Variants in TENM2 observed in about 807,000 individuals in gnomAD.
TENM2 encodes teneurin-2.
A neutral mutation model predicts 245.2 loss-of-function variants in TENM2; 52 were observed. The ratio of observed to expected loss-of-function variants is 0.21; its 90% CI spans 0.17 to 0.27. The LOEUF is 0.27. Ranked by LOEUF, TENM2 falls within the 10% of genes least tolerant of loss-of-function variation. The pLI is 1.00. For missense variants in TENM2, 3,046 were observed against 3,666.8 expected (o/e 0.83, Z 4.37); for synonymous variants, 1,363 against 1,438.9 (o/e 0.95, Z 1.19).
intron 2 of TENM2, among the ~76,000 whole-genome samples, chr5:167,654,894 G>A (rs1754739333): frequency 6.6e-6 from 1 of 152,062 alleles, no homozygotes; most frequent in South Asian, 2.1e-4. Context: ...TGCTACTTTT[G>A]CAATAGAATT....
chr5:167,935,955 A>G (rs1297186795), intron 3 of TENM2, among the ~76,000 whole-genome samples: 1 of 152,020 alleles, frequency 6.6e-6, no homozygotes, highest in Non-Finnish European at 1.5e-5. Context: ...CCGAGCTGTG[A>G]GCACCCTTAG....
intron 2 of TENM2, among the ~76,000 whole-genome samples, chr5:167,767,389 A>G (rs1463325602): frequency 6.6e-6 from 1 of 152,208 alleles, no homozygotes; most frequent in Non-Finnish European, 1.5e-5. Context: ...GTTACCAAGT[A>G]CTAGAGAAAT....
the TENM2 span, among the ~76,000 whole-genome samples, chr5:167,226,934 C>G: frequency 6.6e-6 from 1 of 151,590 alleles, no homozygotes; most frequent in Non-Finnish European, 1.5e-5. Flanking sequence ...TATATAGTCA[C>G]CATATATATG....
intron 2 of TENM2, among the ~76,000 whole-genome samples, chr5:167,546,527 C>T (rs1053711554): frequency 8.5e-5 from 13 of 152,170 alleles, no homozygotes; most frequent in Admixed American, 8.5e-4. Context: ...TAAGTCTTTG[C>T]TCACTGCTGA....
intron 9 of TENM2, among the ~76,000 whole-genome samples, chr5:168,103,189 A>G (rs1168330883): frequency 6.6e-6 from 1 of 152,058 alleles, no homozygotes; most frequent in Non-Finnish European, 1.5e-5. Context: ...GCTTTAACCA[A>G]TCCTCCCCAC....
intron 2 of TENM2, among the ~76,000 whole-genome samples, chr5:167,483,390 G>A (rs1333383867): frequency 2.0e-5 from 3 of 152,172 alleles, no homozygotes; most frequent in African/African-American, 7.2e-5. Context: ...GGACCATGCA[G>A]AAACGCTGAT....
At chr5:167,227,758 T>A in the TENM2 span, among the ~76,000 whole-genome samples, 1 of 152,342 alleles carries the variant, frequency 6.6e-6, no homozygotes, top group East Asian at 1.9e-4. Context: ...TGTATGTATT[T>A]AATGATCTCT....
chr5:167,870,739 G>A (rs992760091), intron 2 of TENM2, among the ~76,000 whole-genome samples: 3 of 150,234 alleles, frequency 2.0e-5, no homozygotes, highest in Non-Finnish European at 4.4e-5. Context: ...TGATAATGAG[G>A]TCATTGAACT....
At chr5:167,393,488 T>C (rs888926923) in intron 2 of TENM2, among the ~76,000 whole-genome samples, 1 of 152,054 alleles carries the variant, frequency 6.6e-6, no homozygotes, top group Non-Finnish European at 1.5e-5. Flanking sequence ...GAAGAGCTAG[T>C]ATAAAGATTT....
At chr5:167,861,040 A>T (rs1292199145) in intron 2 of TENM2, among the ~76,000 whole-genome samples, 1 of 7,296 alleles carries the variant, frequency 1.4e-4, no homozygotes, top group Non-Finnish European at 5.2e-4. Flanking sequence ...AATTATCAAT[A>T]AAAAAAAAAA....
intron 2 of TENM2, among the ~76,000 whole-genome samples, chr5:167,483,986 C>T (rs1864979): frequency 0.22 from 33,503 of 152,030 alleles, 3,839 homozygotes; most frequent in African/African-American, 0.29. Context: ...GTTGTATGGG[C>T]TAGTGGGAGT....
chr5:167,359,874 A>C (rs1167552347), intron 1 of TENM2, among the ~76,000 whole-genome samples: 1 of 152,198 alleles, frequency 6.6e-6, no homozygotes, highest in African/African-American at 2.4e-5. Context: ...TTGCAGGATC[A>C]TGGATAGAGC....
At chr5:167,567,744 C>A (rs1773999625) in intron 2 of TENM2, among the ~76,000 whole-genome samples, 1 of 152,066 alleles carries the variant, frequency 6.6e-6, no homozygotes, top group Admixed American at 6.6e-5. Context: ...TTTCATACAA[C>A]CCCAGGGGTA....
At position 167,998,070 on chromosome 5, in the gene TENM2, C is replaced by T. The variant is rs184393999; in HGVS notation, c.1186+4888C>T. Among the ~76,000 whole-genome samples the T allele has an allele frequency of 4.0e-3, 615 of 152,288 alleles. 1 individual carries two copies. The highest frequency in any genetic ancestry group is 9.2e-3 in the Admixed American group (141 of 15,292). The stretch of plus-strand genomic sequence containing the variant: ...AATACTTTCTATAGGATAAATTTTT[C>T]CAAGGAAAATTTTAGGAATTTTAGG... On this transcript the variant is annotated intron_variant, in intron 5 of 28. Transcript: ENST00000518659.
In TENM2 at chr5:168,126,816, G is replaced by A. The variant is rs767171463; in HGVS notation, c.2272G>A (p.Glu758Lys). ...CATCGGGGGAGCCTGCCGCTGTGAA[G>A]AGGGCTGGACAGGCGCAGCGTGTGA... Residue 758 changes from glutamate to lysine, a missense_variant, in exon 12 of 29, where the codon GAG becomes AAG. By Grantham distance (56) the Glu-to-Lys change is moderately conservative. Around this residue, in one of 2 missense-constraint regions of TENM2, gnomAD observed 2,704 missense variants for 3,331.9 expected, o/e 0.81. Transcript: ENST00000518659. The A allele has an allele frequency of 3.7e-6, 6 of 1,613,498 alleles. No homozygotes were observed. The South Asian group carries it at 5.5e-5, about 15-fold the overall frequency.
chr5:167,228,508 C>G, the TENM2 span, among the ~76,000 whole-genome samples: 3 of 151,654 alleles, frequency 2.0e-5, no homozygotes, highest in African/African-American at 2.4e-5. Flanking sequence ...TATTGTTTTT[C>G]TGAATTGTCT....
chr5:167,643,329 G>A (rs1779729529), intron 2 of TENM2, among the ~76,000 whole-genome samples: 1 of 152,068 alleles, frequency 6.6e-6, no homozygotes, highest in Non-Finnish European at 1.5e-5. Flanking sequence ...TGCCGTTTCT[G>A]GAATTTGCCG....
the TENM2 span, among the ~76,000 whole-genome samples, chr5:167,025,303 GTATT>G: frequency 6.6e-6 from 1 of 152,034 alleles, no homozygotes; most frequent in Admixed American, 6.6e-5. Context: ...AATCCAGTGT[GTATT>G]TACTCACATC....
intron 5 of TENM2, among the ~76,000 whole-genome samples, chr5:168,044,261 A>G (rs1283288932): frequency 2.0e-5 from 3 of 152,284 alleles, no homozygotes; most frequent in African/African-American, 4.8e-5. Context: ...TAAAAATACA[A>G]AAACAAAATT....
Sources: allele counts gnomAD v4.1 joint callset (sites outside exome capture counted in the v4.1 genomes callset), GRCh38; gene constraint gnomAD v4.1.1; regional missense constraint gnomAD v4.1.1; transcripts MANE v1.5; gene names NCBI Gene and HGNC (gene_info 2026-07-23, HGNC 2026-07-21).